RALGAPA2: variants seen among roughly 807,000 people sequenced by gnomAD.
The protein encoded by RALGAPA2 is ral GTPase-activating protein subunit alpha-2.
Under a neutral mutation model 230.4 loss-of-function variants are expected in RALGAPA2, and 139 were observed. The ratio of observed to expected loss-of-function variants is 0.60; its 90% CI spans 0.53 to 0.69. The LOEUF (loss-of-function observed/expected upper bound fraction) is 0.69, where lower values mean the gene tolerates loss of function less well. Among genes scored for constraint, RALGAPA2 ranks in the 30% least tolerant of loss-of-function variants. RALGAPA2 has a pLI of 0.00. For synonymous variants in RALGAPA2, 847 were observed against 837.8 expected, an observed-to-expected ratio of 1.01 and a Z score of -0.19; for missense variants, 2,163 against 2,276.0, an observed-to-expected ratio of 0.95 and a Z score of 1.01.
intron 23 of RALGAPA2, among the ~76,000 whole-genome samples, chr20:20,563,639 C>T (rs561688694): frequency 4.6e-5 from 7 of 152,154 alleles, no homozygotes; most frequent in Non-Finnish European, 7.3e-5. Context: ...AGACATGAGT[C>T]GAAACTTACA....
intron 37 of RALGAPA2, among the ~76,000 whole-genome samples, chr20:20,458,871 TATATACAC>T (rs1569418348): frequency 9.6e-6 from 1 of 103,640 alleles, no homozygotes; most frequent in African/African-American, 4.6e-5. Flanking sequence ...TATATATATA[TATATACAC>T]ACACACAAAT....
At chr20:20,456,683 C>T (rs992291541) in intron 37 of RALGAPA2, among the ~76,000 whole-genome samples, 1 of 152,120 alleles carries the variant, frequency 6.6e-6, no homozygotes, top group African/African-American at 2.4e-5. Flanking sequence ...CCTGGCCAGC[C>T]CCAAGCTGTT....
chr20:20,605,127 C>A (rs752115198), intron 15 of RALGAPA2, 48 bp downstream of exon 15: 4 of 1,478,008 alleles, frequency 2.7e-6, no homozygotes, highest in South Asian at 1.2e-5. Flanking sequence ...AATACACACT[C>A]GTCCCCAGTC....
intron 21 of RALGAPA2, among the ~76,000 whole-genome samples, 156 bp downstream of exon 21, chr20:20,572,719 T>C (rs2064685453): frequency 6.6e-6 from 1 of 152,238 alleles, no homozygotes; most frequent in African/African-American, 2.4e-5. Flanking sequence ...ATAGTCATGT[T>C]ATATATGATT....
intron 34 of RALGAPA2, among the ~76,000 whole-genome samples, chr20:20,504,633 G>A (rs1214948145): frequency 6.6e-6 from 1 of 152,104 alleles, no homozygotes; most frequent in Non-Finnish European, 1.5e-5. Context: ...GGCTGAGGCA[G>A]GAGAATTGCT....
Position 20,511,270 on chromosome 20 carries a change from A to C in RALGAPA2, c.4912T>G (p.Leu1638Val), listed in dbSNP as rs2062697051. The C allele has an allele frequency of 1.9e-6, 3 of 1,572,192 alleles. No homozygotes were observed. The highest frequency in any genetic ancestry group is 2.6e-6 in the Non-Finnish European group (3 of 1,157,770). Reference sequence around the variant, plus strand: ...TTCACATACCACTGGCGGGAGTCCAAATTTTTCAGCTCTCTCAATAATTTT... The same window carrying C: ...TTCACATACCACTGGCGGGAGTCCACATTTTTCAGCTCTCTCAATAATTTT... ...NSKLLRELKN[L>V]DSRQCRETHK... The change falls in exon 33 of 40, where the codon TTG becomes GTG. Residue 1638 changes from leucine (L) to valine (V), a missense_variant. Transcript: ENST00000202677.
At chr20:20,583,506 C>G (rs867160108) in intron 19 of RALGAPA2, among the ~76,000 whole-genome samples, 1 of 152,122 alleles carries the variant, frequency 6.6e-6, no homozygotes, top group South Asian at 2.1e-4. Context: ...CTCAGTACCC[C>G]CTACACCCAA....
chr20:20,427,014 C>G (rs1169219498), intron 37 of RALGAPA2, among the ~76,000 whole-genome samples: 2 of 152,158 alleles, frequency 1.3e-5, no homozygotes, highest in African/African-American at 4.8e-5. Flanking sequence ...GTGTTCTGTT[C>G]CACCTCTCTC....
At position 20,512,224 on chromosome 20, in the gene RALGAPA2, T is replaced by TACACACACACAC. The variant is rs1257439741; in HGVS notation, c.4856+277_4856+288dup. Reference sequence around the variant, plus strand: ...AACAAACAACAACAACAACCCCCCCTACACACACACACACATACACACACA... The same window carrying TACACACACACAC: ...AACAAACAACAACAACAACCCCCCCTACACACACACACACACACACACACACATACACACACA... On this transcript the variant is annotated intron_variant, in intron 32 of 39. Coordinates refer to ENST00000202677, the MANE Select transcript of RALGAPA2 (RefSeq NM_020343.4). 5.6e-3 allele frequency among the ~76,000 whole-genome samples: 772 copies of TACACACACACAC among 137,700 alleles called. 16 individuals carry two copies. Among genetic ancestry groups the TACACACACACAC allele is most frequent in the East Asian group, 0.039 (183 of 4,752 alleles). The allele number at this position is 137,700 out of a possible 152,430, so 90.3% of individuals were successfully genotyped here.
At position 20,473,395 on chromosome 20, in the gene RALGAPA2, T is replaced by A. The variant is rs1397225624; in HGVS notation, c.5368-439A>T. 2.6e-5 allele frequency among the ~76,000 whole-genome samples: 4 copies of A among 152,318 alleles called. No individual in the cohort carries two copies. The East Asian group carries it at 7.7e-4, about 29-fold the overall frequency. On this transcript the variant is annotated intron_variant, in intron 36 of 39. Coordinates refer to ENST00000202677, the MANE Select transcript of RALGAPA2 (RefSeq NM_020343.4). ...TAACTCTTAAAGGAGATGATGATGA[T>A]CCCTGTCAACAACTACAAAGTCCTA...
At chr20:20,547,304 G>T (rs143114220) in intron 23 of RALGAPA2, among the ~76,000 whole-genome samples, 1 of 152,318 alleles carries the variant, frequency 6.6e-6, no homozygotes, top group Non-Finnish European at 1.5e-5. Context: ...GTTCAGAAAT[G>T]GGAATATGCA....
At chr20:20,675,801 T>C (rs1180659430) in intron 3 of RALGAPA2, among the ~76,000 whole-genome samples, 1 of 152,218 alleles carries the variant, frequency 6.6e-6, no homozygotes, top group Non-Finnish European at 1.5e-5. Flanking sequence ...TTTATATATA[T>C]GAGACGAATC....
intron 37 of RALGAPA2, among the ~76,000 whole-genome samples, chr20:20,418,488 G>T (rs1258322034): frequency 6.6e-6 from 1 of 152,292 alleles, no homozygotes; most frequent in African/African-American, 2.4e-5. Context: ...CCGCTCCTCA[G>T]TATATGAGCT....
At chr20:20,653,896 A>G (rs1222935790) in intron 3 of RALGAPA2, among the ~76,000 whole-genome samples, 1 of 152,160 alleles carries the variant, frequency 6.6e-6, no homozygotes, top group Non-Finnish European at 1.5e-5. Context: ...AAATATTAAA[A>G]TAAAAATTTC....
chr20:20,653,251 C>T (rs185773197), intron 4 of RALGAPA2, among the ~76,000 whole-genome samples: 1 of 144,158 alleles, frequency 6.9e-6, no homozygotes, highest in East Asian at 2.2e-4. Context: ...TTCAGGAGGT[C>T]TGGCTGGGAC....
intron 23 of RALGAPA2, among the ~76,000 whole-genome samples, chr20:20,548,013 T>C (rs1417913041): frequency 6.6e-6 from 1 of 152,126 alleles, no homozygotes; most frequent in South Asian, 2.1e-4. Context: ...AGGACCACCA[T>C]CATATATGTG....
intron 37 of RALGAPA2, among the ~76,000 whole-genome samples, chr20:20,444,799 C>T (rs1320342770): frequency 6.6e-6 from 1 of 152,180 alleles, no homozygotes; most frequent in Non-Finnish European, 1.5e-5. Flanking sequence ...CTTCCTTTTC[C>T]ATAAGTTTGT....
chr20:20,395,837 T>C (rs921832196), intron 39 of RALGAPA2, among the ~76,000 whole-genome samples: 1 of 152,224 alleles, frequency 6.6e-6, no homozygotes, highest in African/African-American at 2.4e-5. Flanking sequence ...CCATATTTAC[T>C]GAGACAAAGT....
At chr20:20,702,603 G>A (rs565209419) in intron 1 of RALGAPA2, among the ~76,000 whole-genome samples, 1 of 152,282 alleles carries the variant, frequency 6.6e-6, no homozygotes, top group East Asian at 1.9e-4. Context: ...AGCTTCCCAA[G>A]GGAAACTAAG....
Sources: allele counts gnomAD v4.1 joint callset (sites outside exome capture counted in the v4.1 genomes callset), GRCh38; gene constraint gnomAD v4.1.1; transcripts MANE v1.5; gene names NCBI Gene and HGNC (gene_info 2026-07-23, HGNC 2026-07-21).